PEX14: variants seen among roughly 807,000 people sequenced by gnomAD.
The protein encoded by PEX14 is peroxisomal biogenesis factor 14, also known as peroxisomal membrane protein PEX14.
PEX14 carries 15 observed loss-of-function variants against 49.5 expected under a neutral mutation model. The ratio of observed to expected loss-of-function variants is 0.30; its 90% CI spans 0.20 to 0.47. PEX14 has a LOEUF of 0.47. PEX14 is among the 20% of genes least tolerant of loss of function. PEX14 has a pLI of 1.00. For synonymous variants in PEX14, 210 were observed against 212.7 expected, an observed-to-expected ratio of 0.99 and a Z score of 0.11; for missense variants, 398 against 494.8, an observed-to-expected ratio of 0.80 and a Z score of 1.86.
intron 2 of PEX14, among the ~76,000 whole-genome samples, chr1:10,507,937 T>C (rs551332048): frequency 2.0e-5 from 3 of 152,256 alleles, no homozygotes; most frequent in Non-Finnish European, 4.4e-5. Context: ...CTGTCAGATC[T>C]TACTTGTTGC....
chr1:10,586,666 G>A (rs1204616553), intron 3 of PEX14, among the ~76,000 whole-genome samples: 2 of 122,702 alleles, frequency 1.6e-5, no homozygotes, highest in Non-Finnish European at 3.2e-5. Context: ...TTGAGACGGA[G>A]TCTCGCTCTG....
chr1:10,576,565 C>T (rs556707532), intron 3 of PEX14, among the ~76,000 whole-genome samples: 55 of 151,670 alleles, frequency 3.6e-4, no homozygotes, highest in Middle Eastern at 3.4e-3. Flanking sequence ...TGGTGTGAAG[C>T]GAAGCTCCTT....
At chr1:10,572,088 T>A (rs1255867732) in intron 3 of PEX14, among the ~76,000 whole-genome samples, 1 of 152,120 alleles carries the variant, frequency 6.6e-6, no homozygotes, top group Non-Finnish European at 1.5e-5. Flanking sequence ...GATTGAGAAT[T>A]TCCTGAAATT....
At chr1:10,556,029 G>A (rs971890875) in intron 3 of PEX14, among the ~76,000 whole-genome samples, 4 of 152,046 alleles carry the variant, frequency 2.6e-5, no homozygotes, top group South Asian at 4.2e-4. Context: ...CGGAGCCAGC[G>A]TGGACATTCC....
intron 2 of PEX14, among the ~76,000 whole-genome samples, chr1:10,521,695 C>T (rs1638298529): frequency 6.6e-6 from 1 of 152,188 alleles, no homozygotes; most frequent in Admixed American, 6.5e-5. Context: ...TTGATTACCA[C>T]CTTATGGGTG....
intron 3 of PEX14, among the ~76,000 whole-genome samples, chr1:10,537,447 T>C (rs1176016668): frequency 6.7e-6 from 1 of 149,870 alleles, no homozygotes; most frequent in South Asian, 2.1e-4. Context: ...CCTTGAAATA[T>C]GTGTACCTAT....
chr1:10,484,786 C>T (rs1641340620), intron 1 of PEX14, among the ~76,000 whole-genome samples: 1 of 151,646 alleles, frequency 6.6e-6, no homozygotes, highest in Non-Finnish European at 1.5e-5. Context: ...TCCTTATGGA[C>T]CATGAGACTG....
At chr1:10,626,413 C>T (rs1036251976) in intron 7 of PEX14, among the ~76,000 whole-genome samples, 13 of 152,160 alleles carry the variant, frequency 8.5e-5, no homozygotes, top group African/African-American at 1.9e-4. Flanking sequence ...TCAGACTGCC[C>T]GGGTTTTCCT....
rs1055082521 is a variant in PEX14 at position 10,606,369 on chromosome 1, T to G, written c.298+7003T>G. 4.6e-5 allele frequency among the ~76,000 whole-genome samples: 7 copies of G among 152,330 alleles called. No individual in the cohort carries two copies. The South Asian group carries it at 6.2e-4, about 14-fold the overall frequency. ...CCTTCTAAGGACACCTCTTGGAAAT[T>G]GCCCATGTCCCTTCCACTTTCTCCC... On this transcript the variant is annotated intron_variant, in intron 4 of 8. Coordinates refer to ENST00000356607, the MANE Select transcript of PEX14 (RefSeq NM_004565.3).
intron 4 of PEX14, among the ~76,000 whole-genome samples, chr1:10,616,154 G>A (rs1163146449): frequency 6.6e-6 from 1 of 152,056 alleles, no homozygotes; most frequent in Non-Finnish European, 1.5e-5. Flanking sequence ...TGTCGTCTCT[G>A]CCCCCTGAGA....
intron 2 of PEX14, among the ~76,000 whole-genome samples, chr1:10,533,960 CA>C (rs1409927014): frequency 2.0e-5 from 3 of 152,140 alleles, no homozygotes; most frequent in Non-Finnish European, 4.4e-5. Context: ...ATGCATATAC[CA>C]AGGACTATAT....
At chr1:10,577,558 ATATATTTTT>A (rs1640177911) in intron 3 of PEX14, among the ~76,000 whole-genome samples, 1 of 5,268 alleles carries the variant, frequency 1.9e-4, no homozygotes, top group African/African-American at 3.9e-4. Flanking sequence ...ATATATATAT[ATATATTTTT>A]TTTTTTTTTT....
chr1:10,578,909 A>T (rs1369097749), intron 3 of PEX14, among the ~76,000 whole-genome samples: 4 of 152,188 alleles, frequency 2.6e-5, no homozygotes, highest in Non-Finnish European at 5.9e-5. Context: ...TGGAATAAAA[A>T]TAGGACCAGA....
intron 3 of PEX14, among the ~76,000 whole-genome samples, chr1:10,587,362 C>T (rs1049665234): frequency 2.6e-5 from 4 of 151,736 alleles, no homozygotes; most frequent in Admixed American, 2.6e-4. Flanking sequence ...GGCTGAGGCA[C>T]GAGAATTGCT....
chr1:10,629,496 C>A lies in PEX14; in HGVS notation c.678-35C>A, dbSNP rs764096608. On this transcript the variant is annotated intron_variant, in intron 8 of 8. Coordinates refer to ENST00000356607, the MANE Select transcript of PEX14 (RefSeq NM_004565.3). This position sits in a 1 kb window ranked among gnomAD's most constrained non-coding sequence, Gnocchi z 8.5. The stretch of plus-strand genomic sequence containing the variant: ...CCTTCGAAGGGGGGCGTCCTGAATG[C>A]CGCCACCAACCTCCTCCCCTTCTTC... The A allele has an allele frequency of 2.7e-6, 4 of 1,486,010 alleles. No homozygotes were observed. The highest frequency in any genetic ancestry group is 1.7e-4 in the Middle Eastern group (1 of 5,882). 92.1% of individuals were successfully genotyped at this position (1,486,010 alleles called of 1,614,324 possible). A position where few individuals can be genotyped will look rare whatever the true frequency, so the allele number is the denominator to read the frequency against.
At chr1:10,497,929 T>G (rs1009138068) in intron 2 of PEX14, among the ~76,000 whole-genome samples, 3 of 152,262 alleles carry the variant, frequency 2.0e-5, no homozygotes, top group Non-Finnish European at 4.4e-5. Context: ...GCAAATAATC[T>G]TATTCTTTGT....
At chr1:10,483,686 C>T (rs374216386) in intron 1 of PEX14, among the ~76,000 whole-genome samples, 4 of 151,702 alleles carry the variant, frequency 2.6e-5, no homozygotes, top group Non-Finnish European at 5.9e-5. Flanking sequence ...CTAAACTTTA[C>T]TGTGGAATTC....
intron 4 of PEX14, chr1:10,616,995 G>C (rs1267224406): frequency 2.0e-5 from 3 of 151,944 alleles, no homozygotes; most frequent in African/African-American, 7.3e-5. Context: ...AGGGGACCAC[G>C]AGGTCGCCTA....
chr1:10,608,763 G>A (rs184108695), intron 4 of PEX14, among the ~76,000 whole-genome samples: 41 of 149,408 alleles, frequency 2.7e-4, no homozygotes, highest in Non-Finnish European at 1.2e-4. Context: ...CAAAGCTATC[G>A]AAGTATACTT....
Sources: gnomAD v4.1 joint callset for allele counts (sites outside exome capture counted in the v4.1 genomes callset) on GRCh38, gnomAD v4.1.1 for gene constraint, Gnocchi (gnomAD v3.1) non-coding constraint, MANE v1.5 for transcripts, NCBI Gene and HGNC (gene_info 2026-07-23, HGNC 2026-07-21) for gene names.